Variants in SLC14A2 observed in about 807,000 individuals in gnomAD.
The protein encoded by SLC14A2 is solute carrier family 14 member 2.
Under a neutral mutation model 104.6 loss-of-function variants are expected in SLC14A2, and 91 were observed. That is an observed-to-expected ratio of 0.87 (90% confidence interval 0.73 to 1.04). SLC14A2 has a LOEUF of 1.04. Among genes scored for constraint, SLC14A2 ranks in the 50% least tolerant of loss-of-function variants. SLC14A2 has a pLI of 0.00. For missense variants in SLC14A2, 1,189 were observed against 1,156.0 expected, an observed-to-expected ratio of 1.03 and a Z score of -0.41; for synonymous variants, 476 against 466.4, an observed-to-expected ratio of 1.02 and a Z score of -0.27.
chr18:45,530,338 T>G (rs2043664070), intron 2 of SLC14A2, among the ~76,000 whole-genome samples: 1 of 152,188 alleles, frequency 6.6e-6, no homozygotes, highest in African/African-American at 2.4e-5. Flanking sequence ...AATGCTAAAA[T>G]GAAATGAAGG....
chr18:45,324,357 A>G lies in SLC14A2; in HGVS notation c.-125+111166A>G, dbSNP rs149829844. Among the ~76,000 whole-genome samples, 19 of 152,258 alleles carry G rather than the reference A, an allele frequency of 1.2e-4. No homozygotes were observed. The East Asian group carries it at 3.5e-3, about 28-fold the overall frequency. ...ATCTTTTTACTCTTTTTCTGCACTCAAGCAATCGCCAACGATTATTTTAAG... is the reference window on the plus strand; with the variant it reads ...ATCTTTTTACTCTTTTTCTGCACTCGAGCAATCGCCAACGATTATTTTAAG... On this transcript the variant is annotated intron_variant, in intron 1 of 20. Coordinates refer to the SLC14A2 transcript ENST00000586448.
chr18:45,678,916 C>G (rs2046268602), intron 18 of SLC14A2, 59 bp from the exon 19 acceptor site: 1 of 1,450,110 alleles, frequency 6.9e-7, no homozygotes, highest in Non-Finnish European at 9.5e-7. Flanking sequence ...GTAGAGCAAT[C>G]TTGAGGTGCT....
intron 2 of SLC14A2, among the ~76,000 whole-genome samples, chr18:45,581,968 A>C (rs1325822215): frequency 6.6e-6 from 1 of 152,206 alleles, no homozygotes; most frequent in Non-Finnish European, 1.5e-5. Context: ...CAGACTGGGT[A>C]ATTTATAATG....
At chr18:45,276,322 G>A (rs2084702260) in intron 1 of SLC14A2, among the ~76,000 whole-genome samples, 1 of 152,212 alleles carries the variant, frequency 6.6e-6, no homozygotes, top group Non-Finnish European at 1.5e-5. Context: ...TTTCAGTGCA[G>A]GTGCCTGGTT....
At chr18:45,250,755 C>CTTTTTTTTTTT (rs67864793) in intron 1 of SLC14A2, among the ~76,000 whole-genome samples, 14 of 93,882 alleles carry the variant, frequency 1.5e-4, no homozygotes, top group African/African-American at 2.2e-4. Flanking sequence ...TGGCTTCTTC[C>CTTTTTTTTTTT]TTTTTTTTTT....
At chr18:45,516,727 T>C (rs1472221585) in intron 2 of SLC14A2, among the ~76,000 whole-genome samples, 1 of 152,238 alleles carries the variant, frequency 6.6e-6, no homozygotes, top group Non-Finnish European at 1.5e-5. Flanking sequence ...CATTGATTTC[T>C]GCCACGTGAA....
chr18:45,619,533 G>A (rs760584102), intron 1 of SLC14A2, among the ~76,000 whole-genome samples: 2 of 152,226 alleles, frequency 1.3e-5, no homozygotes, highest in Non-Finnish European at 2.9e-5. Flanking sequence ...TTGGAGAGAC[G>A]TGGGACTGAT....
At chr18:45,643,477 G>T (rs2045566406) in intron 9 of SLC14A2, among the ~76,000 whole-genome samples, 1 of 152,160 alleles carries the variant, frequency 6.6e-6, no homozygotes, top group Non-Finnish European at 1.5e-5. Context: ...ACATCCTCAG[G>T]CCAATTTTCA....
chr18:45,592,297 G>A (rs781530898), intron 2 of SLC14A2, among the ~76,000 whole-genome samples: 3 of 152,052 alleles, frequency 2.0e-5, no homozygotes, highest in Non-Finnish European at 4.4e-5. Flanking sequence ...CAATCTATGA[G>A]TCTATAGAAG....
At chr18:45,247,538 T>C (rs1020274972) in intron 1 of SLC14A2, among the ~76,000 whole-genome samples, 2 of 152,180 alleles carry the variant, frequency 1.3e-5, no homozygotes, top group African/African-American at 2.4e-5. Context: ...TAAACATATA[T>C]AACTCTGTCT....
intron 1 of SLC14A2, among the ~76,000 whole-genome samples, chr18:45,419,066 T>C (rs2086310055): frequency 6.6e-6 from 1 of 152,216 alleles, no homozygotes; most frequent in Non-Finnish European, 1.5e-5. Context: ...GTGTGTTTTG[T>C]GAAGAGGAAA....
rs550649235 is a variant in SLC14A2 at position 45,310,255 on chromosome 18, A to G, written c.-125+97064A>G. Among the ~76,000 whole-genome samples, 4 of 152,282 alleles carry G rather than the reference A, an allele frequency of 2.6e-5. No homozygotes were observed. The East Asian group carries it at 7.7e-4, about 29-fold the overall frequency. On this transcript the variant is annotated intron_variant, in intron 1 of 20. Transcript: ENST00000586448. ...AGGTATGTGGATCTTCAACTTTAGC[A>G]ATTTTATCGGATATTACCATATTGC...
intron 1 of SLC14A2, among the ~76,000 whole-genome samples, chr18:45,316,207 A>G (rs926798248): frequency 1.3e-5 from 2 of 152,128 alleles, no homozygotes; most frequent in Non-Finnish European, 2.9e-5. Context: ...CAGCTTCACA[A>G]TCTCTCAGCA....
intron 1 of SLC14A2, among the ~76,000 whole-genome samples, chr18:45,238,671 G>C (rs1383088919): frequency 1.3e-5 from 2 of 152,210 alleles, no homozygotes; most frequent in Non-Finnish European, 2.9e-5. Context: ...GGTGGGCATA[G>C]ATAGGTAGAT....
At chr18:45,258,920 C>T (rs2084507296) in intron 1 of SLC14A2, among the ~76,000 whole-genome samples, 1 of 152,184 alleles carries the variant, frequency 6.6e-6, no homozygotes, top group African/African-American at 2.4e-5. Context: ...GCACTTCTCT[C>T]AGCTGCCTTG....
At chr18:45,434,960 GTTTGGTA>G (rs2086573474) in intron 1 of SLC14A2, among the ~76,000 whole-genome samples, 1 of 152,178 alleles carries the variant, frequency 6.6e-6, no homozygotes, top group Non-Finnish European at 1.5e-5. Context: ...AAGGTTGCCT[GTTTGGTA>G]TTTGAATAAT....
intron 1 of SLC14A2, among the ~76,000 whole-genome samples, chr18:45,290,541 A>G (rs1262357171): frequency 1.3e-5 from 2 of 152,134 alleles, no homozygotes; most frequent in African/African-American, 4.8e-5. Context: ...TGGCAATGAG[A>G]CTTTAGGGCT....
At chr18:45,595,336 T>G (rs2044706378) in intron 2 of SLC14A2, among the ~76,000 whole-genome samples, 1 of 152,172 alleles carries the variant, frequency 6.6e-6, no homozygotes, top group African/African-American at 2.4e-5. Flanking sequence ...GCTAAGCAGT[T>G]TATACGCAGT....
intron 1 of SLC14A2, among the ~76,000 whole-genome samples, chr18:45,420,694 G>A (rs2086334947): frequency 6.6e-6 from 1 of 151,890 alleles, no homozygotes; most frequent in Admixed American, 6.6e-5. Flanking sequence ...TTATAAATAT[G>A]CACTTATTTG....
Sources: gnomAD v4.1 joint callset for allele counts (sites outside exome capture counted in the v4.1 genomes callset) on GRCh38, gnomAD v4.1.1 for gene constraint, MANE v1.5 for transcripts, NCBI Gene and HGNC (gene_info 2026-07-23, HGNC 2026-07-21) for gene names.